Variants in COL11A1 observed in about 807,000 individuals in gnomAD.
COL11A1 encodes the protein collagen type XI alpha 1 chain.
COL11A1 carries 74 observed loss-of-function variants against 265.2 expected under a neutral mutation model. The observed-to-expected ratio is 0.28, with a 90% CI of 0.23 to 0.34. COL11A1 has a LOEUF of 0.34. COL11A1 is among the 10% of genes least tolerant of loss of function. The probability of loss-of-function intolerance (pLI) is 1.00; values close to 1 mark genes in which losing one functional copy is unlikely to be tolerated. For missense variants in COL11A1, 2,165 were observed against 2,263.6 expected, an observed-to-expected ratio of 0.96 and a Z score of 0.88; for synonymous variants, 816 against 727.6, an observed-to-expected ratio of 1.12 and a Z score of -1.96.
chr1:103,069,603 CA>C (rs1328146865), intron 4 of COL11A1, among the ~76,000 whole-genome samples: 4 of 150,500 alleles, frequency 2.7e-5, no homozygotes, highest in African/African-American at 9.7e-5. Flanking sequence ...AATAAGAAAA[CA>C]AAAAAAAGGC....
At chr1:102,920,462 G>T in intron 48 of COL11A1, 98 bp from the exon 49 acceptor site, 1 of 982,746 alleles carries the variant, frequency 1.0e-6, no homozygotes, top group Non-Finnish European at 1.6e-6. Flanking sequence ...AGAAATAGAT[G>T]CATGAGTATT....
intron 15 of COL11A1, among the ~76,000 whole-genome samples, chr1:103,006,810 G>C (rs891675420): frequency 1.3e-5 from 2 of 152,050 alleles, no homozygotes; most frequent in Non-Finnish European, 1.5e-5. Flanking sequence ...TTACAGGCGT[G>C]AGCCACCGCG....
rs1452220827 is a variant in COL11A1 at position 102,877,281 on chromosome 1, A to G, written c.*738T>C. On this transcript the variant is annotated 3_prime_UTR_variant, in exon 67 of 67. Coordinates refer to ENST00000370096, the MANE Select transcript of COL11A1 (RefSeq NM_001854.4). ...GAAAAAGTTTGAGGTATAGCCTTGA[A>G]TAAAGCATCAAAATGCATAATATTT... 1 of 152,604 alleles carries G rather than the reference A, an allele frequency of 6.6e-6. No individual in the cohort carries two copies. The highest frequency in any genetic ancestry group is 2.4e-5 in the African/African-American group (1 of 41,458). 9.5% of individuals were successfully genotyped at this position (152,604 alleles called of 1,614,324 possible).
chr1:103,062,437 T>C (rs1429404985), intron 4 of COL11A1, among the ~76,000 whole-genome samples: 2 of 151,858 alleles, frequency 1.3e-5, no homozygotes, highest in African/African-American at 2.4e-5. Context: ...TAACAAAATA[T>C]TATCAAATTG....
chr1:102,939,066 T>G lies in COL11A1; in HGVS notation c.3407A>C (p.Gln1136Pro). Residue 1136 changes from glutamine (Q) to proline (P), a missense_variant, in exon 44 of 67, where the codon CAA becomes CCA. Coordinates refer to ENST00000370096, the MANE Select transcript of COL11A1 (RefSeq NM_001854.4). ...TCCCTTGTCACCCTTGCTGCCTTTTTGTCCCGGCTCACCAATTTCACCCTG... is the reference window on the plus strand; with the variant it reads ...TCCCTTGTCACCCTTGCTGCCTTTTGGTCCCGGCTCACCAATTTCACCCTG... ...GDKGEIGEPG[Q>P]KGSKGDKGEN... 6.2e-7 allele frequency: 1 copy of G among 1,613,864 alleles called. No homozygotes were observed. Among genetic ancestry groups the G allele is most frequent in the Non-Finnish European group, 8.5e-7 (1 of 1,179,886 alleles).
rs1437128000 is a variant in COL11A1 at position 102,883,144 on chromosome 1, T to C, written c.4971+55A>G. On this transcript the variant is annotated intron_variant, in intron 64 of 66. Transcript: ENST00000370096. ...ATAATTTTCCTGTTTAGTTCAATATTGCAAAACATGGCAGGAACTGTCAAC... is the reference window on the plus strand; with the variant it reads ...ATAATTTTCCTGTTTAGTTCAATATCGCAAAACATGGCAGGAACTGTCAAC... 21 of 1,167,038 alleles carry C rather than the reference T, an allele frequency of 1.8e-5. No individual in the cohort carries two copies. In the East Asian group the frequency reaches 4.5e-4, roughly 25 times the overall value. The allele number at this position is 1,167,038 out of a possible 1,614,324, so 72.3% of individuals were successfully genotyped here. A position where few individuals can be genotyped will look rare whatever the true frequency, so the allele number is the denominator to read the frequency against.
At chr1:102,979,477 A>G (rs374795858) in intron 31 of COL11A1, 42 bp from the exon 32 acceptor site, 199 of 1,295,338 alleles carry the variant, frequency 1.5e-4, no homozygotes, top group Non-Finnish European at 2.1e-4. Context: ...ATGGCAATTA[A>G]CATTTTCAGT....
chr1:103,014,242 A>C (rs1666369135), intron 13 of COL11A1, among the ~76,000 whole-genome samples: 1 of 152,152 alleles, frequency 6.6e-6, no homozygotes, highest in South Asian at 2.1e-4. Context: ...TTGGGAAAAA[A>C]AAATAGAAAT....
intron 1 of COL11A1, among the ~76,000 whole-genome samples, chr1:103,103,309 C>G (rs999871816): frequency 1.3e-5 from 2 of 151,708 alleles, no homozygotes; most frequent in African/African-American, 4.8e-5. Context: ...AGAAATTTGC[C>G]ATTTTTTATT....
chr1:102,914,309 C>T, intron 52 of COL11A1, 43 bp downstream of exon 52: 1 of 1,451,260 alleles, frequency 6.9e-7, no homozygotes, highest in South Asian at 1.2e-5. Context: ...AAATTGGAAA[C>T]ATTCACTCCA....
At chr1:103,018,399 C>T (rs994151643) in intron 10 of COL11A1, among the ~76,000 whole-genome samples, 1 of 152,120 alleles carries the variant, frequency 6.6e-6, no homozygotes, top group Non-Finnish European at 1.5e-5. Context: ...CACTGAGTAA[C>T]ATCAGCCTTA....
intron 4 of COL11A1, among the ~76,000 whole-genome samples, chr1:103,035,434 G>T (rs1384653687): frequency 3.9e-5 from 6 of 151,976 alleles, no homozygotes; most frequent in Non-Finnish European, 7.4e-5. Context: ...AATAAAAATT[G>T]TGCTGACATA....
At chr1:102,925,214 C>A (rs533716339) in intron 46 of COL11A1, among the ~76,000 whole-genome samples, 229 of 152,090 alleles carry the variant, frequency 1.5e-3, no homozygotes, top group African/African-American at 5.4e-3. Context: ...CCTAACCATG[C>A]GCATGTAAAG....
chr1:102,963,907 G>T (rs1015099923), intron 38 of COL11A1, among the ~76,000 whole-genome samples: 1 of 151,588 alleles, frequency 6.6e-6, no homozygotes, highest in Admixed American at 6.6e-5. Flanking sequence ...AAAGAAAAGG[G>T]TGCATATTCA....
Position 102,977,977 on chromosome 1 carries a change from C to A in COL11A1, c.2754+731G>T, listed in dbSNP as rs2616017. Among the ~76,000 whole-genome samples the A allele has an allele frequency of 3.1e-3, 466 of 152,050 alleles. 3 individuals are homozygous for A. Among genetic ancestry groups the A allele is most frequent in the African/African-American group, 0.011 (448 of 41,504 alleles). On this transcript the variant is annotated intron_variant, in intron 35 of 66. Transcript: ENST00000370096. ...AGGTATTTCTGTCTTGTGTAAAATG[C>A]CTATTATACATTTCAAATCATAATA...
intron 47 of COL11A1, among the ~76,000 whole-genome samples, chr1:102,922,691 T>A (rs4453063): frequency 6.6e-6 from 1 of 152,026 alleles, no homozygotes; most frequent in South Asian, 2.1e-4. Context: ...GAGCCACCGC[T>A]CCCGGCCAGC....
At chr1:102,980,467 A>G (rs1203219928) in intron 31 of COL11A1, among the ~76,000 whole-genome samples, 2 of 152,100 alleles carry the variant, frequency 1.3e-5, no homozygotes, top group African/African-American at 4.8e-5. Flanking sequence ...TTGCTGCTCA[A>G]CTTGTTAATT....
intron 11 of COL11A1, among the ~76,000 whole-genome samples, chr1:103,016,203 C>T (rs1450279401): frequency 6.6e-6 from 1 of 151,858 alleles, no homozygotes; most frequent in African/African-American, 2.4e-5. Context: ...GAATACTTAA[C>T]TACATACTAT....
At chr1:102,984,595 G>A in intron 30 of COL11A1, among the ~76,000 whole-genome samples, 1 of 152,056 alleles carries the variant, frequency 6.6e-6, no homozygotes, top group Non-Finnish European at 1.5e-5. Flanking sequence ...CCTTCAACCA[G>A]AGTAAATCTT....
Sources: gnomAD v4.1 joint callset for allele counts (sites outside exome capture counted in the v4.1 genomes callset) on GRCh38, gnomAD v4.1.1 for gene constraint, MANE v1.5 for transcripts, NCBI Gene and HGNC (gene_info 2026-07-23, HGNC 2026-07-21) for gene names.